Variants in WDR81 observed in about 807,000 individuals in gnomAD.
The protein encoded by WDR81 is WD repeat domain 81.
WDR81 carries 92 observed loss-of-function variants against 140.8 expected under a neutral mutation model. That is an observed-to-expected ratio of 0.65 (90% CI 0.55 to 0.78). WDR81 has a LOEUF of 0.78. WDR81 is among the 30% of genes least tolerant of loss of function. The pLI is 0.00. For missense variants in WDR81, 2,502 were observed against 2,636.4 expected, an observed-to-expected ratio of 0.95 and a Z score of 1.12; for synonymous variants, 1,183 against 1,156.4, an observed-to-expected ratio of 1.02 and a Z score of -0.47.
chr17:1,734,899 GA>G (rs960328761), intron 7 of WDR81, among the ~76,000 whole-genome samples: 1 of 152,196 alleles, frequency 6.6e-6, no homozygotes, highest in African/African-American at 2.4e-5. Flanking sequence ...TTAAAAGGGG[GA>G]AAGGGATGGT....
upstream of WDR81, among the ~76,000 whole-genome samples, chr17:1,723,296 T>A (rs77375255): frequency 6.5e-3 from 983 of 152,166 alleles, 11 homozygotes; most frequent in East Asian, 0.039. Flanking sequence ...AGGCCAATCT[T>A]CAACAGGAAG....
upstream of WDR81, among the ~76,000 whole-genome samples, chr17:1,720,364 G>A (rs1245363455): frequency 6.6e-6 from 1 of 152,232 alleles, no homozygotes; most frequent in Non-Finnish European, 1.5e-5. Context: ...TTCCGGAAGA[G>A]AGCTGTTACA....
rs186422064 is a variant in WDR81 at position 1,727,890 on chromosome 17, C to T, written c.2931C>T (p.His977=). The change falls in exon 1 of 10, where the codon CAC becomes CAT. Residue 977 remains histidine (H), a synonymous_variant. Coordinates refer to ENST00000409644, the MANE Select transcript of WDR81 (RefSeq NM_001163809.2). ...CCTACGAGAGCCCCTGCCAGCTACA[C>T]GGCCGCTTCTACCTGTACACGGACT... ...IGAYESPCQL[H]GRFYLYTDCF... 6.4e-6 allele frequency: 10 copies of T among 1,550,806 alleles called. No individual in the cohort carries two copies. Among genetic ancestry groups the T allele is most frequent in the South Asian group, 3.6e-5 (3 of 84,070 alleles).
At position 1,735,057 on chromosome 17, in the gene WDR81, G is replaced by A. The variant is rs1246638385; in HGVS notation, c.5180-515G>A. 1.3e-5 allele frequency among the ~76,000 whole-genome samples: 2 copies of A among 152,086 alleles called. No individual in the cohort carries two copies. The highest frequency in any genetic ancestry group is 2.9e-5 in the Non-Finnish European group (2 of 68,028). On this transcript the variant is annotated intron_variant, in intron 7 of 9. Coordinates refer to ENST00000409644, the MANE Select transcript of WDR81 (RefSeq NM_001163809.2). This position sits in a 1 kb window ranked among gnomAD's most constrained non-coding sequence, Gnocchi z 4.2. ...TCTTTAGGCCGATGCAGTGGCTCACGCCTGTAATCTCAGCACTCTGGGAGG... is the reference window on the plus strand; with the variant it reads ...TCTTTAGGCCGATGCAGTGGCTCACACCTGTAATCTCAGCACTCTGGGAGG...
intron 1 of WDR81, chr17:1,716,698 C>A: frequency 6.6e-7 from 1 of 1,525,294 alleles, no homozygotes; most frequent in Non-Finnish European, 8.9e-7. Flanking sequence ...GGGCGACAGC[C>A]CCTCCTTGTT....
Position 1,728,061 on chromosome 17 carries a change from C to A in WDR81, c.3102C>A (p.Ser1034Arg). 1.9e-6 allele frequency: 3 copies of A among 1,572,366 alleles called. No individual in the cohort carries two copies. The highest frequency in any genetic ancestry group is 2.4e-5 in the East Asian group (1 of 42,534). ...CAGGGGCTGCTGAGGAGGAGGAGAG[C>A]GGGCTGCCCGGGGCCGGGCCTGGCT... Reference protein sequence around the residue: ...DLAGAAEEEESGLPGAGPGSC... With the variant: ...DLAGAAEEEERGLPGAGPGSC... The change falls in exon 1 of 10, where the codon AGC (serine) becomes AGA (arginine). Residue 1034 changes from serine (S) to arginine (R), a missense_variant. Ser to Arg is a moderately radical substitution (Grantham distance 110). Coordinates refer to ENST00000409644, the MANE Select transcript of WDR81 (RefSeq NM_001163809.2).
chr17:1,727,870 G>T lies in WDR81; in HGVS notation c.2911G>T (p.Glu971Ter). 1 of 1,550,724 alleles carries T rather than the reference G, an allele frequency of 6.4e-7. No individual in the cohort carries two copies. Among genetic ancestry groups the T allele is most frequent in the South Asian group, 1.2e-5 (1 of 84,066 alleles). The change falls in exon 1 of 10, where the codon GAG becomes TAG. Residue 971 changes from glutamate (E) to a stop codon, truncating the protein, a stop_gained. Coordinates refer to ENST00000409644, the MANE Select transcript of WDR81 (RefSeq NM_001163809.2). LOFTEE classifies it high-confidence loss of function. ...CCTGAAGCCGCTCATTGGTGCCTAC[G>T]AGAGCCCCTGCCAGCTACACGGCCG... ...YLLKPLIGAY[E>*]SPCQLHGRFY...
At position 1,725,681 on chromosome 17, in the gene WDR81, C is replaced by G; in HGVS notation, c.722C>G (p.Ser241Cys). Residue 241 changes from serine to cysteine, a missense_variant, in exon 1 of 10, where the codon TCC becomes TGC. Physicochemically the swap from Ser to Cys is moderately radical, Grantham distance 112. Around this residue, in one of 3 missense-constraint regions of WDR81, gnomAD observed 547 missense variants for 513.8 expected, o/e 1.06. Coordinates refer to ENST00000409644, the MANE Select transcript of WDR81 (RefSeq NM_001163809.2). Reference protein sequence around the residue: ...LYVVHPYVQFSLHDVVTFSPA... With the variant: ...LYVVHPYVQFCLHDVVTFSPA... ...GTGGTACACCCTTACGTACAGTTCT[C>G]CCTACATGACGTGGTCACCTTCAGC... 1.9e-6 allele frequency: 3 copies of G among 1,548,846 alleles called. No individual in the cohort carries two copies. The highest frequency in any genetic ancestry group is 1.2e-5 in the South Asian group (1 of 84,066).
At position 1,724,844 on chromosome 17, in the gene WDR81, C is replaced by A; in HGVS notation, c.-116C>A. 1 of 1,220,948 alleles carries A rather than the reference C, an allele frequency of 8.2e-7. No individual in the cohort carries two copies. Among genetic ancestry groups the A allele is most frequent in the Non-Finnish European group, 1.0e-6 (1 of 981,076 alleles). The allele number at this position is 1,220,948 out of a possible 1,614,324, so 75.6% of individuals were successfully genotyped here. On this transcript the variant is annotated 5_prime_UTR_variant, in exon 1 of 10. Coordinates refer to ENST00000409644, the MANE Select transcript of WDR81 (RefSeq NM_001163809.2). ...CGCCGGCTTCCTGCGGCCGCCTCCG[C>A]CCCAGCCCCTGTCCCGCGCCCATCC... is the stretch of plus-strand genomic sequence containing the variant.
upstream of WDR81, among the ~76,000 whole-genome samples, chr17:1,722,234 G>A (rs1189076872): frequency 1.3e-5 from 2 of 152,146 alleles, no homozygotes; most frequent in Admixed American, 1.3e-4. Context: ...TTTGTTGTAA[G>A]TTACTACTGC....
Position 1,726,480 on chromosome 17 carries a change from C to T in WDR81, c.1521C>T (p.Pro507=), listed in dbSNP as rs941890153. The T allele has an allele frequency of 9.7e-6, 15 of 1,550,466 alleles. No individual in the cohort carries two copies. The highest frequency in any genetic ancestry group is 1.7e-4 in the Middle Eastern group (1 of 6,016). The change falls in exon 1 of 10, where the codon CCC becomes CCT. Residue 507 remains proline, a synonymous_variant. Coordinates refer to ENST00000409644, the MANE Select transcript of WDR81 (RefSeq NM_001163809.2). Reference sequence around the variant, plus strand: ...CCTCTATCTTCCGCTCCATCCACCCCGACATGCCTGACCTGGATGTGCCAG... The same window carrying T: ...CCTCTATCTTCCGCTCCATCCACCCTGACATGCCTGACCTGGATGTGCCAG... ...TDPSIFRSIH[P]DMPDLDVPAW...
intron 1 of WDR81, 54 bp from the exon 2 acceptor site, chr17:1,730,326 G>A (rs1275533393): frequency 1.4e-6 from 2 of 1,451,804 alleles, no homozygotes; most frequent in East Asian, 4.8e-5. Context: ...TGGGGTGGGA[G>A]GGGTGATGAG....
In WDR81 at chr17:1,726,378, C is replaced by G; in HGVS notation, c.1419C>G (p.Pro473=). 1 of 1,549,900 alleles carries G rather than the reference C, an allele frequency of 6.5e-7. No individual in the cohort carries two copies. Among genetic ancestry groups the G allele is most frequent in the Non-Finnish European group, 8.7e-7 (1 of 1,146,674 alleles). The change falls in exon 1 of 10, where the codon CCC becomes CCG. Residue 473 remains proline, a synonymous_variant. Coordinates refer to ENST00000409644, the MANE Select transcript of WDR81 (RefSeq NM_001163809.2). ...GACACGTCCGCGCGCAGTGGGAGCC[C>G]CATGAGTATCCGGCCAGCATGGAGC... ...LCGHVRAQWE[P]HEYPASMERM... is the part of the protein sequence containing the mutation.
intron 4 of WDR81, 122 bp downstream of exon 4, chr17:1,731,380 A>G: frequency 8.1e-7 from 1 of 1,237,110 alleles, no homozygotes; most frequent in Non-Finnish European, 1.1e-6. Flanking sequence ...CCTGGTTTTG[A>G]TCCCGGCTGT....
At chr17:1,730,578 C>A in intron 2 of WDR81, 91 bp downstream of exon 2, 1 of 1,437,924 alleles carries the variant, frequency 7.0e-7, no homozygotes, top group Non-Finnish European at 9.4e-7. Flanking sequence ...TCCTTCCCAC[C>A]CCTCCCTCAA....
In WDR81 at chr17:1,730,781, A is replaced by G. The variant is rs1296346944; in HGVS notation, c.3802A>G (p.Ser1268Gly). ...VGPTRQQFTV[S>G]SGESPPLSAG... ...ACCCACTCGGCAGCAGTTCACAGTG[A>G]GCAGTGGCGAGAGCCCACCGCTGAG... Residue 1268 changes from serine (S) to glycine (G), a missense_variant, in exon 3 of 10, where the codon AGC (serine) becomes GGC (glycine). Ser to Gly is a moderately conservative substitution (Grantham distance 56, BLOSUM62 0). Around this residue, in one of 3 missense-constraint regions of WDR81, gnomAD observed 1,737 missense variants for 1,843.0 expected, o/e 0.94. Transcript: ENST00000409644. 5 of 1,611,548 alleles carry G rather than the reference A, an allele frequency of 3.1e-6. No individual in the cohort carries two copies. Among genetic ancestry groups the G allele is most frequent in the Admixed American group, 3.3e-5 (2 of 59,950 alleles).
rs1597289864 is a variant in WDR81, at chr17:1,727,719, C to T, written c.2760C>T (p.Gly920=). 6.4e-7 allele frequency: 1 copy of T among 1,550,594 alleles called. No homozygotes were observed. The highest frequency in any genetic ancestry group is 1.2e-5 in the South Asian group (1 of 84,066). Reference sequence around the variant, plus strand: ...TGCTGAAGGACATCACCCCTGAGGGCCTGGAGATCCTGCTGCCCTTCGTGC... The same window carrying T: ...TGCTGAAGGACATCACCCCTGAGGGTCTGGAGATCCTGCTGCCCTTCGTGC... The part of the protein sequence containing the change: ...GAVLKDITPE[G]LEILLPFVLS... The change falls in exon 1 of 10, where the codon GGC becomes GGT. Residue 920 remains glycine (G), a synonymous_variant. Transcript: ENST00000409644.
rs1915176737 is a variant in WDR81, at chr17:1,725,505, G to A, written c.546G>A (p.Gln182=). The A allele has an allele frequency of 6.5e-7, 1 of 1,546,760 alleles. No homozygotes were observed. Among genetic ancestry groups the A allele is most frequent in the Non-Finnish European group, 8.7e-7 (1 of 1,146,942 alleles). ...TGGACTCAGTACGGCAGGCTCTGCAGAGGGTCTATGGTTGCTCCTTCCTGC... is the reference window on the plus strand; with the variant it reads ...TGGACTCAGTACGGCAGGCTCTGCAAAGGGTCTATGGTTGCTCCTTCCTGC... The part of the protein sequence containing the change: ...PALDSVRQAL[Q]RVYGCSFLPV... Residue 182 remains glutamine (Q), a synonymous_variant, in exon 1 of 10, where the codon CAG becomes CAA. Transcript: ENST00000409644.
intron 1 of WDR81, among the ~76,000 whole-genome samples, chr17:1,729,587 G>A (rs1567722474): frequency 1.3e-5 from 2 of 152,132 alleles, no homozygotes; most frequent in African/African-American, 4.8e-5. Context: ...GAAGAAGGTA[G>A]ACAAAAATGG....
Sources: gnomAD v4.1 joint callset for allele counts (sites outside exome capture counted in the v4.1 genomes callset) on GRCh38, gnomAD v4.1.1 for gene constraint, gnomAD v4.1.1 regional missense constraint, Gnocchi (gnomAD v3.1) non-coding constraint, MANE v1.5 for transcripts, NCBI Gene and HGNC (gene_info 2026-07-23, HGNC 2026-07-21) for gene names.